Variants in CCDC38 observed in about 807,000 individuals in gnomAD.
CCDC38 encodes the protein coiled-coil domain-containing protein 38.
Under a neutral mutation model 72.8 loss-of-function variants are expected in CCDC38, and 69 were observed. The ratio of observed to expected loss-of-function variants is 0.95; its 90% CI spans 0.78 to 1.16. CCDC38 has a LOEUF of 1.16. Among genes scored for constraint, CCDC38 ranks in the 50% most tolerant of loss-of-function variants. The pLI, the probability that CCDC38 is intolerant of heterozygous loss-of-function variation, is 0.00. For missense variants in CCDC38, 626 were observed against 638.9 expected (o/e 0.98, Z 0.22); for synonymous variants, 201 against 213.2 (o/e 0.94, Z 0.50).
chr12:95,903,346 T>C, intron 5 of CCDC38: 1 of 678,604 alleles, frequency 1.5e-6, no homozygotes, highest in Admixed American at 2.1e-5. Context: ...AAGACAGCTT[T>C]AATTCTTCAT....
At chr12:95,878,654 C>T (rs894246524) in intron 12 of CCDC38, among the ~76,000 whole-genome samples, 3 of 152,172 alleles carry the variant, frequency 2.0e-5, no homozygotes, top group Admixed American at 6.5e-5. Flanking sequence ...TGTTCTCAAA[C>T]GTGGCTGATA....
chr12:95,883,351 G>C (rs2079722423), intron 10 of CCDC38, among the ~76,000 whole-genome samples: 1 of 152,144 alleles, frequency 6.6e-6, no homozygotes, highest in African/African-American at 2.4e-5. Flanking sequence ...AGGCTGCTTA[G>C]GTAGATAGCA....
chr12:95,926,258 G>T (rs1480060331), intron 2 of CCDC38, among the ~76,000 whole-genome samples: 2 of 151,394 alleles, frequency 1.3e-5, no homozygotes, highest in South Asian at 4.2e-4. Flanking sequence ...CTTCTTCCTG[G>T]TTTAGTCTTG....
At chr12:95,922,871 A>AC (rs1190117702) in intron 2 of CCDC38, among the ~76,000 whole-genome samples, 2 of 152,114 alleles carry the variant, frequency 1.3e-5, no homozygotes, top group African/African-American at 4.8e-5. Context: ...GTGATGGTTA[A>AC]TTGTGTGCGT....
At chr12:95,869,200 C>CA (rs1482325015) in intron 15 of CCDC38, among the ~76,000 whole-genome samples, 3 of 151,732 alleles carry the variant, frequency 2.0e-5, no homozygotes, top group Admixed American at 6.6e-5. Flanking sequence ...TAATCTATTC[C>CA]AAAAAACAAG....
At chr12:95,937,109 T>C (rs1439244859) in intron 1 of CCDC38, among the ~76,000 whole-genome samples, 1 of 152,226 alleles carries the variant, frequency 6.6e-6, no homozygotes, top group Non-Finnish European at 1.5e-5. Flanking sequence ...TCAGTTATTA[T>C]GATAAATTAA....
At chr12:95,930,397 C>T (rs992184756) in intron 2 of CCDC38, among the ~76,000 whole-genome samples, 1 of 152,158 alleles carries the variant, frequency 6.6e-6, no homozygotes, top group African/African-American at 2.4e-5. Flanking sequence ...TATTCCATGA[C>T]TTTAACCTAG....
At chr12:95,939,727 G>T (rs914445081) in intron 1 of CCDC38, among the ~76,000 whole-genome samples, 1 of 152,216 alleles carries the variant, frequency 6.6e-6, no homozygotes, top group Non-Finnish European at 1.5e-5. Context: ...AGGGACATGG[G>T]TGTAATGTAT....
intron 4 of CCDC38, among the ~76,000 whole-genome samples, chr12:95,910,302 T>TACAC (rs141853582): frequency 0.093 from 13,769 of 148,306 alleles, 656 homozygotes; most frequent in African/African-American, 0.1. Context: ...CCATTTACAT[T>TACAC]ACACACACAC....
At chr12:95,928,220 T>C (rs919326662) in intron 2 of CCDC38, among the ~76,000 whole-genome samples, 60 of 152,154 alleles carry the variant, frequency 3.9e-4, no homozygotes, top group Non-Finnish European at 8.1e-4. Context: ...CCATATTTCT[T>C]GGAGGCTTTG....
intron 2 of CCDC38, among the ~76,000 whole-genome samples, chr12:95,932,499 T>G (rs973600586): frequency 2.0e-5 from 3 of 152,154 alleles, no homozygotes; most frequent in African/African-American, 7.2e-5. Flanking sequence ...AATCATGGCT[T>G]TTACTGTCTC....
At position 95,867,170 on chromosome 12, in the gene CCDC38, A is replaced by C. The variant is rs139730427; in HGVS notation, c.1598T>G (p.Phe533Cys). 581 of 1,595,726 alleles carry C rather than the reference A, an allele frequency of 3.6e-4. 2 individuals are homozygous for C. The African/African-American group carries it at 6.9e-3, about 19-fold the overall frequency. ...PKKKLGRRLV[F>C]HSKPPSGNKQ... The stretch of plus-strand genomic sequence containing the variant: ...GTTACCAGATGGAGGTTTTGAATGA[A>C]AGACAAGTCGTCTTCCCAACTGAAA... The change falls in exon 16 of 16, where the codon TTT (phenylalanine) becomes TGT (cysteine). Residue 533 changes from phenylalanine (F) to cysteine (C), a missense_variant. Transcript: ENST00000344280.
At chr12:95,909,969 G>A (rs754220024) in intron 4 of CCDC38, among the ~76,000 whole-genome samples, 3 of 152,128 alleles carry the variant, frequency 2.0e-5, no homozygotes, top group Non-Finnish European at 4.4e-5. Flanking sequence ...AAAGTTAGAA[G>A]CATTTCCCCT....
intron 1 of CCDC38, among the ~76,000 whole-genome samples, chr12:95,937,112 T>C (rs952649087): frequency 6.6e-6 from 1 of 152,232 alleles, no homozygotes; most frequent in African/African-American, 2.4e-5. Flanking sequence ...GTTATTATGA[T>C]AAATTAAATG....
At position 95,898,467 on chromosome 12, in the gene CCDC38, TG is replaced by T; in HGVS notation, c.534-3del. ...TTGTTTATTGTTTCCTGTGCTGCCC[TG>T]AAAAGCAATGAAGATCTGTTAATTT... On this transcript the variant is annotated splice_polypyrimidine_tract_variant and splice_region_variant and intron_variant, in intron 6 of 15. Transcript: ENST00000344280. The T allele has an allele frequency of 6.2e-7, 1 of 1,614,120 alleles. No homozygotes were observed. Among genetic ancestry groups the T allele is most frequent in the Non-Finnish European group, 8.5e-7 (1 of 1,180,012 alleles).
intron 5 of CCDC38, among the ~76,000 whole-genome samples, chr12:95,899,727 C>T (rs537740159): frequency 1.3e-5 from 2 of 152,298 alleles, no homozygotes; most frequent in African/African-American, 4.8e-5. Flanking sequence ...ATTAGACCCT[C>T]CAAGTTTATA....
intron 13 of CCDC38, among the ~76,000 whole-genome samples, chr12:95,873,836 CT>C (rs1328628270): frequency 1.3e-5 from 2 of 152,214 alleles, no homozygotes; most frequent in Admixed American, 1.3e-4. Flanking sequence ...ACCAAGAGTA[CT>C]TCCAACAGCT....
At chr12:95,903,377 A>ATT in intron 5 of CCDC38, 3 of 681,184 alleles carry the variant, frequency 4.4e-6, no homozygotes, top group East Asian at 2.7e-5. Context: ...AATGTCTTTC[A>ATT]TTTTTTTTTC....
intron 10 of CCDC38, among the ~76,000 whole-genome samples, chr12:95,881,976 TC>T (rs796771371): frequency 2.9e-4 from 44 of 152,324 alleles, no homozygotes; most frequent in African/African-American, 9.9e-4. Context: ...CTTCTGACTG[TC>T]CCCAAGTAAG....
Sources: allele counts gnomAD v4.1 joint callset (sites outside exome capture counted in the v4.1 genomes callset), GRCh38; gene constraint gnomAD v4.1.1; transcripts MANE v1.5; gene names NCBI Gene and HGNC (gene_info 2026-07-23, HGNC 2026-07-21).